The following ATF6 variants were observed in gnomAD, a reference collection of about 807,000 sequenced individuals.
ATF6 encodes the protein activating transcription factor 6.
ATF6 carries 53 observed loss-of-function variants against 83.6 expected under a neutral mutation model. That is an observed-to-expected ratio of 0.63 (90% CI 0.51 to 0.80). The LOEUF (loss-of-function observed/expected upper bound fraction) is 0.80, where lower values mean the gene tolerates loss of function less well. Ranked by LOEUF, ATF6 falls within the 30% of genes least tolerant of loss-of-function variation. The pLI, the probability that ATF6 is intolerant of heterozygous loss-of-function variation, is 0.00. For missense variants in ATF6, 744 were observed against 797.9 expected, an observed-to-expected ratio of 0.93 and a Z score of 0.81; for synonymous variants, 288 against 285.8, an observed-to-expected ratio of 1.01 and a Z score of -0.08.
intron 1 of ATF6, among the ~76,000 whole-genome samples, chr1:161,772,128 A>G (rs1684401535): frequency 6.6e-6 from 1 of 152,086 alleles, no homozygotes; most frequent in Admixed American, 6.6e-5. Context: ...AGTGTCTCTC[A>G]TTCTCTTCAG....
At chr1:161,786,691 C>T (rs1471106163) in intron 4 of ATF6, among the ~76,000 whole-genome samples, 1 of 152,130 alleles carries the variant, frequency 6.6e-6, no homozygotes, top group African/African-American at 2.4e-5. Context: ...CAGTCCGATG[C>T]CCCTATCACT....
chr1:161,867,864 G>T (rs1687039694), intron 14 of ATF6, among the ~76,000 whole-genome samples: 1 of 152,162 alleles, frequency 6.6e-6, no homozygotes, highest in African/African-American at 2.4e-5. Flanking sequence ...CTCTTTCCAA[G>T]TATTTTATAT....
chr1:161,856,443 G>A (rs764804145), intron 12 of ATF6, among the ~76,000 whole-genome samples: 2 of 152,154 alleles, frequency 1.3e-5, no homozygotes, highest in African/African-American at 2.4e-5. Flanking sequence ...GTCTGCCAAA[G>A]CCTACACGTC....
At chr1:161,798,822 C>G (rs1419658963) in intron 6 of ATF6, among the ~76,000 whole-genome samples, 1 of 152,150 alleles carries the variant, frequency 6.6e-6, no homozygotes, top group Non-Finnish European at 1.5e-5. Context: ...AAGACATAGA[C>G]ATGGCCAATA....
chr1:161,797,124 G>C (rs1028204205), intron 6 of ATF6, among the ~76,000 whole-genome samples: 11 of 152,148 alleles, frequency 7.2e-5, no homozygotes, highest in Middle Eastern at 3.4e-3. Flanking sequence ...CTTCATAAAA[G>C]ATGGAGGCCA....
At chr1:161,813,137 C>G (rs1685516991) in intron 7 of ATF6, among the ~76,000 whole-genome samples, 1 of 152,078 alleles carries the variant, frequency 6.6e-6, no homozygotes, top group Non-Finnish European at 1.5e-5. Flanking sequence ...TCGAAACTTG[C>G]TGATACCTTT....
chr1:161,917,239 G>C (rs1437778384), intron 15 of ATF6, among the ~76,000 whole-genome samples: 2 of 152,154 alleles, frequency 1.3e-5, no homozygotes, highest in Admixed American at 1.3e-4. Flanking sequence ...AAAAAGGAAA[G>C]ATAAGAAGGA....
chr1:161,792,311 A>G lies in ATF6; in HGVS notation c.672A>G (p.Gln224=), dbSNP rs1161589410. 2 of 1,613,858 alleles carry G rather than the reference A, an allele frequency of 1.2e-6. No individual in the cohort carries two copies. Among genetic ancestry groups the G allele is most frequent in the Admixed American group, 1.7e-5 (1 of 60,028 alleles). ...LAKQQPIISL[Q]PAPTKGQTVL... Reference sequence around the variant, plus strand: ...AGCAGCAACCAATTATCAGTTTACAACCTGCACCCACTAAAGGTACCTGAG... The same window carrying G: ...AGCAGCAACCAATTATCAGTTTACAGCCTGCACCCACTAAAGGTACCTGAG... The change falls in exon 6 of 16, where the codon CAA becomes CAG. Residue 224 remains glutamine (Q), a synonymous_variant. Transcript: ENST00000367942.
At chr1:161,810,602 T>C (rs1346422471) in intron 7 of ATF6, among the ~76,000 whole-genome samples, 1 of 152,100 alleles carries the variant, frequency 6.6e-6, no homozygotes, top group Non-Finnish European at 1.5e-5. Flanking sequence ...TAAGCTCTTT[T>C]GTTGTCTTTT....
chr1:161,909,305 G>A (rs958964392), intron 14 of ATF6, among the ~76,000 whole-genome samples: 12 of 152,196 alleles, frequency 7.9e-5, no homozygotes, highest in South Asian at 2.1e-4. Flanking sequence ...GCAAGAAGGA[G>A]AAAGGGAAGG....
At chr1:161,888,075 A>T (rs76474513) in intron 14 of ATF6, among the ~76,000 whole-genome samples, 2,860 of 152,336 alleles carry the variant, frequency 0.019, 107 homozygotes, top group African/African-American at 0.065. Flanking sequence ...CATTAACAAG[A>T]ACAGGAAACA....
At chr1:161,785,126 C>A (rs538176078) in intron 4 of ATF6, among the ~76,000 whole-genome samples, 66 of 152,318 alleles carry the variant, frequency 4.3e-4, no homozygotes, top group African/African-American at 1.6e-3. Flanking sequence ...TCTCTGAGAG[C>A]TCCTATGCAC....
intron 7 of ATF6, among the ~76,000 whole-genome samples, chr1:161,805,897 G>T (rs548263736): frequency 6.6e-6 from 1 of 151,230 alleles, no homozygotes; most frequent in African/African-American, 2.4e-5. Context: ...CTTTTGTTTG[G>T]CTGGTTTCAC....
intron 6 of ATF6, among the ~76,000 whole-genome samples, chr1:161,801,431 C>G (rs368049409): frequency 2.4e-4 from 32 of 134,924 alleles, no homozygotes; most frequent in African/African-American, 8.7e-4. Context: ...AGCTAAGACT[C>G]GAGGCACATA....
chr1:161,791,116 G>C (rs1317290399), intron 4 of ATF6, among the ~76,000 whole-genome samples: 2 of 141,424 alleles, frequency 1.4e-5, no homozygotes, highest in Non-Finnish European at 3.0e-5. Context: ...CTGTGTGTGT[G>C]TGTGTGTGTG....
intron 7 of ATF6, among the ~76,000 whole-genome samples, chr1:161,816,262 T>C (rs547414145): frequency 1.3e-5 from 2 of 152,322 alleles, no homozygotes; most frequent in East Asian, 3.9e-4. Flanking sequence ...CTTATTTCAG[T>C]CTGTATGAAA....
At chr1:161,819,556 T>C (rs1445791525) in intron 7 of ATF6, 77 bp from the exon 8 acceptor site, 5 of 1,171,872 alleles carry the variant, frequency 4.3e-6, no homozygotes, top group Admixed American at 3.0e-5. Context: ...AAAATAATTG[T>C]AAAAATGAGT....
chr1:161,908,994 T>G (rs1461017119), intron 14 of ATF6, among the ~76,000 whole-genome samples: 11 of 152,320 alleles, frequency 7.2e-5, no homozygotes. Flanking sequence ...TAATTAACCA[T>G]TATGGAGATT....
intron 7 of ATF6, among the ~76,000 whole-genome samples, chr1:161,809,828 A>C (rs543128047): frequency 6.6e-6 from 1 of 152,336 alleles, no homozygotes; most frequent in African/African-American, 2.4e-5. Flanking sequence ...TGTTGGCTGC[A>C]TAAATGTCTT....
Sources: allele counts gnomAD v4.1 joint callset (sites outside exome capture counted in the v4.1 genomes callset), GRCh38; gene constraint gnomAD v4.1.1; transcripts MANE v1.5; gene names NCBI Gene and HGNC (gene_info 2026-07-23, HGNC 2026-07-21).